The following EFNA5 variants were observed in gnomAD, a reference collection of about 807,000 sequenced individuals.
EFNA5 encodes ephrin-A5.
In EFNA5, 5 loss-of-function variants were observed where a neutral mutation model predicts 22.9. That is an observed-to-expected ratio of 0.22 (90% CI 0.11 to 0.46). EFNA5 has a LOEUF of 0.46. EFNA5 is among the 20% of genes least tolerant of loss of function. The pLI is 0.99. For missense variants in EFNA5, 237 were observed against 293.3 expected (o/e 0.81, Z 1.40); for synonymous variants, 113 against 112.2 (o/e 1.01, Z -0.04).
At chr5:107,638,022 A>AT (rs548601580) in intron 1 of EFNA5, among the ~76,000 whole-genome samples, 84,697 of 144,362 alleles carry the variant, frequency 0.59, 26,858 homozygotes, top group Non-Finnish European at 0.72. Context: ...AATTTTTTGT[A>AT]TTTTTTTTTT....
chr5:107,441,868 T>C (rs1749265161), intron 1 of EFNA5, among the ~76,000 whole-genome samples: 1 of 152,182 alleles, frequency 6.6e-6, no homozygotes, highest in Non-Finnish European at 1.5e-5. Flanking sequence ...TTGATTCTAA[T>C]TATGAAAAAA....
chr5:107,519,952 C>T (rs1436297045), intron 1 of EFNA5, among the ~76,000 whole-genome samples: 1 of 152,160 alleles, frequency 6.6e-6, no homozygotes, highest in Admixed American at 6.6e-5. Context: ...GACTTACTTT[C>T]CCATTCCATC....
At chr5:107,495,095 C>T (rs1044830473) in intron 1 of EFNA5, among the ~76,000 whole-genome samples, 2 of 152,156 alleles carry the variant, frequency 1.3e-5, no homozygotes, top group African/African-American at 4.8e-5. Flanking sequence ...CTGCCTGAGC[C>T]AGCAGTGGCA....
chr5:107,657,378 G>A (rs981412364), intron 1 of EFNA5, among the ~76,000 whole-genome samples: 32 of 152,028 alleles, frequency 2.1e-4, no homozygotes, highest in Admixed American at 1.3e-4. Context: ...CAGGATCTAT[G>A]AGAATCATAA....
chr5:107,670,481 C>G lies in EFNA5; in HGVS notation c.125+8G>C, dbSNP rs1280934687. On this transcript the variant is annotated splice_region_variant and intron_variant, in intron 1 of 4. Transcript: ENST00000333274. ...GTAGCCCTGGCTCTCCGCCTGTTAT[C>G]GGCTTACCTGGGGTTGCTGCTGTTC... 6.4e-7 allele frequency: 1 copy of G among 1,558,368 alleles called. No homozygotes were observed. Among genetic ancestry groups the G allele is most frequent in the Non-Finnish European group, 8.7e-7 (1 of 1,150,458 alleles).
intron 1 of EFNA5, among the ~76,000 whole-genome samples, chr5:107,623,638 A>G (rs1482889765): frequency 1.3e-5 from 2 of 151,980 alleles, no homozygotes; most frequent in African/African-American, 2.4e-5. Context: ...CATCACTACA[A>G]TAATTTATTG....
intron 1 of EFNA5, among the ~76,000 whole-genome samples, chr5:107,455,258 T>G (rs902201786): frequency 3.3e-5 from 5 of 152,154 alleles, no homozygotes; most frequent in Non-Finnish European, 7.3e-5. Flanking sequence ...TCTGGTGTAC[T>G]TGCCATCAAC....
chr5:107,465,585 A>G (rs1749955183), intron 1 of EFNA5, among the ~76,000 whole-genome samples: 1 of 152,168 alleles, frequency 6.6e-6, no homozygotes, highest in Non-Finnish European at 1.5e-5. Context: ...CTTAAGTCCA[A>G]CATAATTGAA....
At chr5:107,618,629 C>T (rs1057201916) in intron 1 of EFNA5, among the ~76,000 whole-genome samples, 1 of 152,108 alleles carries the variant, frequency 6.6e-6, no homozygotes, top group African/African-American at 2.4e-5. Flanking sequence ...TTTCAGAGTC[C>T]GGGTTAGAAT....
At chr5:107,554,847 A>C (rs1421909701) in intron 1 of EFNA5, among the ~76,000 whole-genome samples, 1 of 152,210 alleles carries the variant, frequency 6.6e-6, no homozygotes, top group South Asian at 2.1e-4. Flanking sequence ...TGCCCGAGCC[A>C]AGATGCAAAT....
chr5:107,476,057 T>TATATATGTATGTATATATATATATA, intron 1 of EFNA5, among the ~76,000 whole-genome samples: 1 of 100,436 alleles, frequency 1.0e-5, no homozygotes, highest in African/African-American at 5.0e-5. Flanking sequence ...TATATATATA[T>TATATATGTATGTATATATATATATA]TTTTTTTTTT....
chr5:107,551,949 T>A (rs1748309196), intron 1 of EFNA5, among the ~76,000 whole-genome samples: 1 of 151,892 alleles, frequency 6.6e-6, no homozygotes, highest in Non-Finnish European at 1.5e-5. Context: ...CTGAAAAAAA[T>A]CTCCACTACT....
chr5:107,495,995 T>C (rs1052420943), intron 1 of EFNA5, among the ~76,000 whole-genome samples: 1 of 151,904 alleles, frequency 6.6e-6, no homozygotes, highest in Non-Finnish European at 1.5e-5. Flanking sequence ...GCCTCTTTTT[T>C]CTGTCCTTCC....
chr5:107,564,634 T>TTTG (rs200842266), intron 1 of EFNA5, among the ~76,000 whole-genome samples: 1 of 125,010 alleles, frequency 8.0e-6, no homozygotes, highest in African/African-American at 3.8e-5. Flanking sequence ...GGTTTTTGTT[T>TTTG]TTTTTTTTTT....
intron 1 of EFNA5, among the ~76,000 whole-genome samples, chr5:107,591,961 ATATATAAT>A (rs1271510184): frequency 3.3e-3 from 47 of 14,310 alleles, no homozygotes; most frequent in Non-Finnish European, 5.2e-3. Flanking sequence ...AATATATAAT[ATATATAAT>A]ATATATAATA....
chr5:107,495,581 C>A (rs996402939), intron 1 of EFNA5, among the ~76,000 whole-genome samples: 1 of 152,122 alleles, frequency 6.6e-6, no homozygotes, highest in Admixed American at 6.5e-5. Context: ...TCATTTTTAG[C>A]AAATATCTAT....
chr5:107,387,877 A>G (rs759162338), intron 2 of EFNA5, 106 bp from the exon 3 acceptor site: 104 of 775,630 alleles, frequency 1.3e-4, no homozygotes, highest in Non-Finnish European at 1.9e-4. Flanking sequence ...TCCTGACTTG[A>G]ACAACAGGAA....
intron 1 of EFNA5, among the ~76,000 whole-genome samples, chr5:107,585,279 G>C (rs1679098301): frequency 6.6e-6 from 1 of 152,178 alleles, no homozygotes; most frequent in African/African-American, 2.4e-5. Context: ...AAAATACCAA[G>C]CCCAAGGACC....
At chr5:107,420,054 T>A (rs1441117897) in intron 2 of EFNA5, among the ~76,000 whole-genome samples, 1 of 152,148 alleles carries the variant, frequency 6.6e-6, no homozygotes, top group Non-Finnish European at 1.5e-5. Flanking sequence ...AGGTGATTGG[T>A]GTGAACTGTC....
Sources: gnomAD v4.1 joint callset for allele counts (sites outside exome capture counted in the v4.1 genomes callset) on GRCh38, gnomAD v4.1.1 for gene constraint, MANE v1.5 for transcripts, NCBI Gene and HGNC (gene_info 2026-07-23, HGNC 2026-07-21) for gene names.